The following GRID2 variants were observed in gnomAD, a reference collection of about 807,000 sequenced individuals.
GRID2 encodes glutamate ionotropic receptor delta type subunit 2.
GRID2 carries 33 observed loss-of-function variants against 114.8 expected under a neutral mutation model. That is an observed-to-expected ratio of 0.29 (90% CI 0.22 to 0.38). GRID2 has a LOEUF of 0.38. GRID2 is among the 10% of genes least tolerant of loss of function. The pLI is 1.00. For synonymous variants in GRID2, 505 were observed against 449.9 expected, an observed-to-expected ratio of 1.12 and a Z score of -1.55; for missense variants, 1,184 against 1,257.7, an observed-to-expected ratio of 0.94 and a Z score of 0.89.
intron 13 of GRID2, among the ~76,000 whole-genome samples, 193 bp downstream of exon 13, chr4:93,515,604 TGTCTAACAGATCA>T (rs1438440364): frequency 4.6e-5 from 7 of 152,186 alleles, no homozygotes; most frequent in African/African-American, 1.4e-4. Flanking sequence ...CTCTGTAGTG[TGTCTAACAGATCA>T]GTTTCCATTT....
At chr4:92,679,950 T>C (rs181839911) in intron 2 of GRID2, among the ~76,000 whole-genome samples, 28 of 151,850 alleles carry the variant, frequency 1.8e-4, no homozygotes, top group Non-Finnish European at 4.0e-4. Context: ...AGCAGATGTA[T>C]GTTGCAGGGA....
chr4:92,947,016 G>A (rs1356280622), intron 2 of GRID2, among the ~76,000 whole-genome samples: 1 of 152,028 alleles, frequency 6.6e-6, no homozygotes, highest in Non-Finnish European at 1.5e-5. Context: ...CAAGTCAATA[G>A]TTTCTGAAAG....
chr4:92,492,550 G>T (rs1261575449), intron 1 of GRID2, among the ~76,000 whole-genome samples: 2 of 152,162 alleles, frequency 1.3e-5, no homozygotes, highest in African/African-American at 4.8e-5. Flanking sequence ...TTCTTGGATA[G>T]AGAACAGAAC....
intron 13 of GRID2, among the ~76,000 whole-genome samples, chr4:93,533,006 C>T (rs892042456): frequency 8.6e-5 from 13 of 151,996 alleles, no homozygotes; most frequent in East Asian, 1.9e-4. Flanking sequence ...TTTTCAGTTG[C>T]GTGTGCTGGG....
At chr4:93,531,954 T>C (rs1731490416) in intron 13 of GRID2, among the ~76,000 whole-genome samples, 1 of 152,188 alleles carries the variant, frequency 6.6e-6, no homozygotes, top group Non-Finnish European at 1.5e-5. Context: ...CATACTTAAA[T>C]ATTTCTTTAA....
intron 1 of GRID2, among the ~76,000 whole-genome samples, chr4:93,794,599 C>T (rs188475177): frequency 6.6e-6 from 1 of 152,102 alleles, no homozygotes; most frequent in Non-Finnish European, 1.5e-5. Context: ...AGCGTCTCGG[C>T]GAGCCTTTCT....
chr4:92,942,724 C>A (rs4538449), intron 2 of GRID2, among the ~76,000 whole-genome samples: 1 of 151,876 alleles, frequency 6.6e-6, no homozygotes, highest in South Asian at 2.1e-4. Context: ...TTCCTTTCCA[C>A]GTTTAGTGCT....
intron 2 of GRID2, among the ~76,000 whole-genome samples, chr4:92,601,948 C>G (rs1251112246): frequency 6.6e-6 from 1 of 151,532 alleles, no homozygotes; most frequent in African/African-American, 2.4e-5. Context: ...TACCCCCTCG[C>G]AAGACTGAAC....
chr4:93,757,464 C>A (rs1732848107), intron 14 of GRID2, among the ~76,000 whole-genome samples: 1 of 152,210 alleles, frequency 6.6e-6, no homozygotes, highest in Non-Finnish European at 1.5e-5. Flanking sequence ...TTCCTAATTT[C>A]TCATCTAAGA....
At chr4:92,496,880 T>A (rs889754831) in intron 1 of GRID2, among the ~76,000 whole-genome samples, 3 of 151,606 alleles carry the variant, frequency 2.0e-5, no homozygotes, top group Non-Finnish European at 4.4e-5. Flanking sequence ...TAAAAAAAAA[T>A]TACTTAATTT....
intron 13 of GRID2, among the ~76,000 whole-genome samples, chr4:93,536,158 C>T (rs1053946504): frequency 1.3e-5 from 2 of 151,880 alleles, no homozygotes; most frequent in Non-Finnish European, 2.9e-5. Context: ...TCAATGAAAT[C>T]CTTATCATGA....
chr4:93,023,392 T>A (rs1429721191), intron 2 of GRID2, among the ~76,000 whole-genome samples: 1 of 151,964 alleles, frequency 6.6e-6, no homozygotes, highest in Admixed American at 6.6e-5. Flanking sequence ...ATGGAAGATT[T>A]GAAGAAGCTC....
intron 1 of GRID2, among the ~76,000 whole-genome samples, chr4:92,307,349 A>G (rs991375774): frequency 1.3e-5 from 2 of 152,108 alleles, no homozygotes; most frequent in African/African-American, 4.8e-5. Context: ...GGAGATATGC[A>G]GAAATGAAAG....
intron 10 of GRID2, among the ~76,000 whole-genome samples, chr4:93,431,962 A>T (rs1013352515): frequency 6.6e-6 from 1 of 152,188 alleles, no homozygotes; most frequent in Non-Finnish European, 1.5e-5. Context: ...TTAATAATAG[A>T]TAGGCAAGAG....
At chr4:92,996,743 A>G (rs1270498232) in intron 2 of GRID2, among the ~76,000 whole-genome samples, 1 of 152,190 alleles carries the variant, frequency 6.6e-6, no homozygotes, top group Non-Finnish European at 1.5e-5. Context: ...ACAAGAGGTC[A>G]TTATGACTTC....
chr4:93,390,277 C>T (rs1764728111), intron 8 of GRID2, among the ~76,000 whole-genome samples: 1 of 152,126 alleles, frequency 6.6e-6, no homozygotes, highest in Non-Finnish European at 1.5e-5. Flanking sequence ...TTCTAATAGT[C>T]AACAAAAGTT....
At chr4:93,688,246 T>G (rs190371803) in intron 14 of GRID2, among the ~76,000 whole-genome samples, 3 of 152,032 alleles carry the variant, frequency 2.0e-5, no homozygotes, top group Admixed American at 1.3e-4. Flanking sequence ...GGTTACAGTG[T>G]AAATCTCCAA....
At chr4:93,214,418 C>G (rs1272252992) in intron 5 of GRID2, among the ~76,000 whole-genome samples, 3 of 151,984 alleles carry the variant, frequency 2.0e-5, no homozygotes, top group African/African-American at 7.2e-5. Context: ...CGAAATGCCC[C>G]TTTTGAAATG....
intron 2 of GRID2, among the ~76,000 whole-genome samples, chr4:92,642,798 ACTTAAAT>A (rs1731422754): frequency 6.6e-6 from 1 of 151,738 alleles, no homozygotes; most frequent in Admixed American, 6.6e-5. Flanking sequence ...GAGGTCTTCC[ACTTAAAT>A]CTTTAATCTA....
Sources: allele counts gnomAD v4.1 joint callset (sites outside exome capture counted in the v4.1 genomes callset), GRCh38; gene constraint gnomAD v4.1.1; transcripts MANE v1.5; gene names NCBI Gene and HGNC (gene_info 2026-07-23, HGNC 2026-07-21).